The following HOPX variants were observed in gnomAD, a reference collection of about 807,000 sequenced individuals.
The protein encoded by HOPX is HOP homeobox.
HOPX carries 5 observed loss-of-function variants against 11.8 expected under a neutral mutation model. The observed-to-expected ratio is 0.43, with a 90% CI of 0.22 to 0.89. The LOEUF is 0.89. HOPX is among the 40% of genes least tolerant of loss of function. The probability of loss-of-function intolerance (pLI) is 0.28; values close to 1 mark genes in which losing one functional copy is unlikely to be tolerated. For missense variants in HOPX, 119 were observed against 120.0 expected (o/e 0.99, Z 0.04); for synonymous variants, 49 against 49.7 (o/e 0.99, Z 0.06).
At chr4:56,655,000 G>C (rs1717540597) in intron 3 of HOPX, among the ~76,000 whole-genome samples, 1 of 152,134 alleles carries the variant, frequency 6.6e-6, no homozygotes, top group South Asian at 2.1e-4. Flanking sequence ...TTAAAAGTCA[G>C]CTAAAGGCTC....
chr4:56,675,629 C>A (rs1718972444), intron 1 of HOPX, among the ~76,000 whole-genome samples: 3 of 151,694 alleles, frequency 2.0e-5, no homozygotes, highest in African/African-American at 7.3e-5. Context: ...AAAAGGACAG[C>A]CTAACCTGCA....
rs118191046 is a variant in HOPX at position 56,658,304 on chromosome 4, T to C, written c.-83-405A>G. Among the ~76,000 whole-genome samples, 340 of 152,378 alleles carry C rather than the reference T, an allele frequency of 2.2e-3. 3 individuals are homozygous for C. In the East Asian group the frequency reaches 0.033, roughly 15 times the overall value. On this transcript the variant is annotated intron_variant, in intron 1 of 3. Transcript: ENST00000420433. ...GTCTTACATTTAATTTACTGCATTT[T>C]ATTTTATGAGATTTCTGTGGCTTCT...
intron 1 of HOPX, chr4:56,679,346 T>A (rs948209002): frequency 6.6e-6 from 1 of 152,208 alleles, no homozygotes; most frequent in Non-Finnish European, 1.5e-5. Flanking sequence ...TCTTCCCATA[T>A]AAGAAATGGT....
chr4:56,657,887 G>T lies in HOPX; in HGVS notation c.-71C>A. ...CCGCTAGACCCTTCTCAGTGGGGCA[G>T]TCTGTCATTAGTCTGGTAGGAAAAA... is the stretch of plus-strand genomic sequence containing the variant. On this transcript the variant is annotated 5_prime_UTR_variant, in exon 2 of 4. In the 5' UTR this introduces an upstream ATG that the reference lacks. Transcript: ENST00000420433. 6.4e-7 allele frequency: 1 copy of T among 1,551,216 alleles called. No homozygotes were observed. Among genetic ancestry groups the T allele is most frequent in the Non-Finnish European group, 8.7e-7 (1 of 1,146,800 alleles).
chr4:56,666,397 G>A (rs1718444953), intron 1 of HOPX, among the ~76,000 whole-genome samples: 3 of 152,224 alleles, frequency 2.0e-5, no homozygotes, highest in Admixed American at 2.0e-4. Context: ...GTTGAAACAA[G>A]TCTCTCAGTA....
At chr4:56,669,877 G>A (rs1312793040) in intron 1 of HOPX, among the ~76,000 whole-genome samples, 1 of 152,136 alleles carries the variant, frequency 6.6e-6, no homozygotes, top group Non-Finnish European at 1.5e-5. Context: ...AGGTCTGTTA[G>A]GATGCTGGAG....
At chr4:56,664,991 C>G (rs1718353595) in intron 1 of HOPX, 1 of 152,226 alleles carries the variant, frequency 6.6e-6, no homozygotes, top group Non-Finnish European at 1.5e-5. Flanking sequence ...GGGTCTTGCT[C>G]TGTCACCCAG....
At chr4:56,679,645 T>G (rs530115834) in intron 1 of HOPX, 1 of 152,208 alleles carries the variant, frequency 6.6e-6, no homozygotes, top group South Asian at 2.1e-4. Flanking sequence ...GCCCGCCTAA[T>G]TTTTGTATTT....
rs144541886 is a variant in HOPX, at chr4:56,672,202, C to G, written c.-84+9053G>C. 1.9e-3 allele frequency among the ~76,000 whole-genome samples: 283 copies of G among 151,958 alleles called. 1 individual carries two copies. The highest frequency in any genetic ancestry group is 6.8e-3 in the African/African-American group (282 of 41,334). Reference sequence around the variant, plus strand: ...TTTCTGGGTAATCAGTAACCAATATCGAGAAATAAAATGCTTCTAGAATTT... The same window carrying G: ...TTTCTGGGTAATCAGTAACCAATATGGAGAAATAAAATGCTTCTAGAATTT... On this transcript the variant is annotated intron_variant, in intron 1 of 3. Transcript: ENST00000420433.
At chr4:56,656,520 C>T (rs1717758607) in intron 2 of HOPX, 1 of 979,516 alleles carries the variant, frequency 1.0e-6, no homozygotes, top group Non-Finnish European at 1.2e-6. Flanking sequence ...GGCCTTCTGT[C>T]TCCGCAGTGG....
At chr4:56,662,324 G>C (rs1718179137) in intron 1 of HOPX, 1 of 152,080 alleles carries the variant, frequency 6.6e-6, no homozygotes, top group African/African-American at 2.4e-5. Context: ...TCTATTTTGA[G>C]GTTTTTTAAA....
At chr4:56,655,274 C>G (rs895798206) in intron 3 of HOPX, among the ~76,000 whole-genome samples, 1 of 152,172 alleles carries the variant, frequency 6.6e-6, no homozygotes, top group African/African-American at 2.4e-5. Flanking sequence ...AGTTCTGCAG[C>G]TCGGGGGACG....
chr4:56,677,673 A>G (rs937927040), intron 1 of HOPX, among the ~76,000 whole-genome samples: 1 of 151,612 alleles, frequency 6.6e-6, no homozygotes, highest in Non-Finnish European at 1.5e-5. Flanking sequence ...CTGTGGTCCC[A>G]CAGACACCTC....
At chr4:56,676,048 G>T (rs1279693219) in intron 1 of HOPX, among the ~76,000 whole-genome samples, 2 of 151,670 alleles carry the variant, frequency 1.3e-5, no homozygotes, top group Non-Finnish European at 2.9e-5. Context: ...TGTAATGGCA[G>T]CATTTTGGGA....
At chr4:56,678,110 G>A (rs528794245) in intron 1 of HOPX, among the ~76,000 whole-genome samples, 135 of 151,684 alleles carry the variant, frequency 8.9e-4, no homozygotes, top group South Asian at 2.3e-3. Context: ...CCAAGGATTC[G>A]CTTGGAAGGT....
intron 2 of HOPX, chr4:56,656,313 G>A (rs1717731411): frequency 9.1e-7 from 1 of 1,101,116 alleles, no homozygotes; most frequent in Non-Finnish European, 1.1e-6. Context: ...CGACGGGGGC[G>A]AGATAGATGA....
intron 1 of HOPX, among the ~76,000 whole-genome samples, chr4:56,660,349 C>A (rs879313372): frequency 4.6e-5 from 7 of 152,118 alleles, no homozygotes; most frequent in African/African-American, 1.4e-4. Context: ...GGAACAAGAT[C>A]CCAAATCTAA....
intron 3 of HOPX, among the ~76,000 whole-genome samples, chr4:56,651,873 AGTGTGTGTGTGTGTGTGT>A (rs796685500): frequency 5.1e-5 from 7 of 136,678 alleles, no homozygotes; most frequent in African/African-American, 1.9e-4. Context: ...AGAGAGAGAG[AGTGTGTGTGTGTGTGTGT>A]GTGTGTGTGT....
Position 56,675,180 on chromosome 4 carries a change from C to T in HOPX, c.-84+6075G>A, listed in dbSNP as rs192399931. 2.8e-3 allele frequency among the ~76,000 whole-genome samples: 426 copies of T among 151,574 alleles called. 26 individuals carry two copies. The highest frequency in any genetic ancestry group is 0.01 in the Middle Eastern group (3 of 294). On this transcript the variant is annotated intron_variant, in intron 1 of 3. Coordinates refer to ENST00000420433, the MANE Select transcript of HOPX (RefSeq NM_032495.6). ...TAAATATACCAGTTCTCAGCCTTGG[C>T]GGGAGGGATACAATGCTTCCCACAG...
Sources: allele counts gnomAD v4.1 joint callset (sites outside exome capture counted in the v4.1 genomes callset), GRCh38; gene constraint gnomAD v4.1.1; transcripts MANE v1.5; gene names NCBI Gene and HGNC (gene_info 2026-07-23, HGNC 2026-07-21).